Variants in SYBU observed in about 807,000 individuals in gnomAD.
The protein encoded by SYBU is GOLSYN A protein.
Under a neutral mutation model 35.9 loss-of-function variants are expected in SYBU, and 21 were observed. That is an observed-to-expected ratio of 0.58 (90% CI 0.41 to 0.84). The LOEUF (loss-of-function observed/expected upper bound fraction) is 0.84, where lower values mean the gene tolerates loss of function less well. Ranked by LOEUF, SYBU falls within the 40% of genes least tolerant of loss-of-function variation. The probability of loss-of-function intolerance (pLI) is 0.00; values close to 1 mark genes in which losing one functional copy is unlikely to be tolerated. For synonymous variants in SYBU, 319 were observed against 324.3 expected (o/e 0.98, Z 0.18); for missense variants, 768 against 848.2 (o/e 0.91, Z 1.17).
At chr8:109,684,546 A>G (rs190526406), upstream of SYBU, among the ~76,000 whole-genome samples, 64 of 152,370 alleles carry the variant, frequency 4.2e-4, no homozygotes, top group East Asian at 0.011. Flanking sequence ...AACATTATCA[A>G]TCTAGCTCAG....
chr8:109,628,820 CA>C (rs11300595), intron 2 of SYBU, among the ~76,000 whole-genome samples: 3,653 of 146,256 alleles, frequency 0.025, 133 homozygotes, highest in African/African-American at 0.087. Flanking sequence ...ACATCCGTCT[CA>C]AAAAAAAAAG....
At chr8:109,657,048 TG>T (rs1315804685) in intron 1 of SYBU, among the ~76,000 whole-genome samples, 1 of 152,136 alleles carries the variant, frequency 6.6e-6, no homozygotes, top group Non-Finnish European at 1.5e-5. Flanking sequence ...AAGATACAGG[TG>T]TATCTTTTTC....
rs1379623324 is a variant in SYBU at position 109,577,955 on chromosome 8, T to A, written c.797A>T (p.Gln266Leu). 1.2e-6 allele frequency: 2 copies of A among 1,614,072 alleles called. No individual in the cohort carries two copies. Among genetic ancestry groups the A allele is most frequent in the Non-Finnish European group, 1.7e-6 (2 of 1,179,970 alleles). ...NHGVRPPNPE[Q>L]YLTPLQQKEV... ...TTTCTGCTGCAGTGGAGTCAAATACTGCTCTGGGTTTGGGGGTCTGACACC... is the reference window on the plus strand; with the variant it reads ...TTTCTGCTGCAGTGGAGTCAAATACAGCTCTGGGTTTGGGGGTCTGACACC... The change falls in exon 6 of 7, where the codon CAG becomes CTG. Residue 266 changes from glutamine to leucine, a missense_variant. Physicochemically the swap from Gln to Leu is moderately radical, Grantham distance 113. Coordinates refer to ENST00000276646, the MANE Select transcript of SYBU (RefSeq NM_001099754.2).
intron 2 of SYBU, among the ~76,000 whole-genome samples, chr8:109,622,800 T>A (rs1318350934): frequency 1.3e-5 from 2 of 152,188 alleles, no homozygotes. Context: ...TGACAAAGAT[T>A]TCTAATATGA....
intron 5 of SYBU, among the ~76,000 whole-genome samples, chr8:109,578,387 C>G (rs947446333): frequency 6.6e-6 from 1 of 152,184 alleles, no homozygotes; most frequent in Non-Finnish European, 1.5e-5. Flanking sequence ...GCCCATGGTT[C>G]TCGAAAGATT....
intron 1 of SYBU, among the ~76,000 whole-genome samples, chr8:109,671,418 A>G (rs776687810): frequency 6.6e-6 from 1 of 152,132 alleles, no homozygotes; most frequent in Non-Finnish European, 1.5e-5. Flanking sequence ...AACCTCAAAG[A>G]GCCTTTTTCA....
chr8:109,590,133 A>G (rs1824049000), intron 3 of SYBU, among the ~76,000 whole-genome samples: 1 of 152,178 alleles, frequency 6.6e-6, no homozygotes, highest in Admixed American at 6.6e-5. Context: ...CACTGAAGCT[A>G]AGCACAGCTA....
chr8:109,637,961 G>A (rs1204400551), intron 2 of SYBU, among the ~76,000 whole-genome samples: 2 of 152,156 alleles, frequency 1.3e-5, no homozygotes, highest in Admixed American at 6.5e-5. Flanking sequence ...AGACTGCAAA[G>A]AATCTCAGAT....
intron 3 of SYBU, among the ~76,000 whole-genome samples, chr8:109,591,835 AT>A (rs1366343870): frequency 5.9e-5 from 9 of 151,954 alleles, no homozygotes; most frequent in African/African-American, 2.2e-4. Context: ...TTTAAGGGAA[AT>A]TTTTTATAAT....
Position 109,644,661 on chromosome 8 carries a change from G to GCGCCGCTGCCCGCCGGCTCCTCGCGC in SYBU, c.-28_-3dup. ...CTTGCTCTCGCGGAGGGGCCCCATC[G>GCGCCGCTGCCCGCCGGCTCCTCGCGC]CGCCGCTGCCCGCCGGCTCCTCGCG... is the stretch of plus-strand genomic sequence containing the variant. On this transcript the variant is annotated 5_prime_UTR_variant, in exon 1 of 7. Coordinates refer to ENST00000276646, the MANE Select transcript of SYBU (RefSeq NM_001099754.2). 3.3e-6 allele frequency: 5 copies of GCGCCGCTGCCCGCCGGCTCCTCGCGC among 1,522,794 alleles called. No individual in the cohort carries two copies. Among genetic ancestry groups the GCGCCGCTGCCCGCCGGCTCCTCGCGC allele is most frequent in the Non-Finnish European group, 4.4e-6 (5 of 1,142,382 alleles). 94.3% of individuals were successfully genotyped at this position (1,522,794 alleles called of 1,614,324 possible).
At chr8:109,648,122 A>G (rs2130704011), upstream of SYBU, 1 of 151,938 alleles carries the variant, frequency 6.6e-6, no homozygotes, top group African/African-American at 2.4e-5. Context: ...TTTTACTTAA[A>G]GACTTACTTT....
rs544142998 is a variant in SYBU at position 109,661,937 on chromosome 8, T to A, written c.-129+18774A>T. Among the ~76,000 whole-genome samples the A allele has an allele frequency of 3.3e-5, 5 of 152,366 alleles. No individual in the cohort carries two copies. The East Asian group carries it at 9.6e-4, about 29-fold the overall frequency. ...CTTTTAACTTCATTCTCATGCTTACTGTGGAATTTAGATCTCCAGCTTGTC... is the reference window on the plus strand; with the variant it reads ...CTTTTAACTTCATTCTCATGCTTACAGTGGAATTTAGATCTCCAGCTTGTC... On this transcript the variant is annotated intron_variant, in intron 1 of 5. Coordinates refer to the SYBU transcript ENST00000408889.
Position 109,574,788 on chromosome 8 carries a change from T to C in SYBU, c.*118A>G. On this transcript the variant is annotated 3_prime_UTR_variant, in exon 7 of 7. Coordinates refer to ENST00000276646, the MANE Select transcript of SYBU (RefSeq NM_001099754.2). Reference sequence around the variant, plus strand: ...AGGCTTCAACTAAATATAGTGCAAATCAAATACCAAGGAGCAAAACGACAG... The same window carrying C: ...AGGCTTCAACTAAATATAGTGCAAACCAAATACCAAGGAGCAAAACGACAG... 8.4e-7 allele frequency: 1 copy of C among 1,188,298 alleles called. No individual in the cohort carries two copies. The highest frequency in any genetic ancestry group is 1.2e-6 in the Non-Finnish European group (1 of 863,962). The allele number at this position is 1,188,298 out of a possible 1,614,324, so 73.6% of individuals were successfully genotyped here.
chr8:109,644,107 T>G (rs937204763), intron 1 of SYBU: 1 of 457,020 alleles, frequency 2.2e-6, no homozygotes, highest in Non-Finnish European at 4.4e-6. Context: ...TGGCATAAAT[T>G]GAAGGGTAAA....
intron 3 of SYBU, among the ~76,000 whole-genome samples, chr8:109,590,798 C>T (rs1189627211): frequency 1.3e-5 from 2 of 148,994 alleles, no homozygotes; most frequent in African/African-American, 5.0e-5. Context: ...AAAAATGGGC[C>T]AAGGACATAT....
chr8:109,667,471 A>C (rs1816798253), intron 1 of SYBU, among the ~76,000 whole-genome samples: 1 of 151,736 alleles, frequency 6.6e-6, no homozygotes, highest in Non-Finnish European at 1.5e-5. Context: ...ATATTAAAAC[A>C]CCATTGCCAT....
intron 1 of SYBU, among the ~76,000 whole-genome samples, chr8:109,663,090 A>G (rs534309862): frequency 1.3e-5 from 2 of 152,320 alleles, no homozygotes; most frequent in Non-Finnish European, 2.9e-5. Flanking sequence ...AATCAGGAAG[A>G]TAGCTACTTC....
At chr8:109,634,718 A>G (rs1173680627) in intron 2 of SYBU, among the ~76,000 whole-genome samples, 1 of 152,222 alleles carries the variant, frequency 6.6e-6, no homozygotes, top group African/African-American at 2.4e-5. Flanking sequence ...CAAGCAAGAA[A>G]TTTTAAAACC....
intron 1 of SYBU, among the ~76,000 whole-genome samples, chr8:109,672,936 C>A (rs1351589210): frequency 1.3e-5 from 2 of 152,204 alleles, no homozygotes; most frequent in Non-Finnish European, 2.9e-5. Context: ...CTGGGTGGAG[C>A]CCACCACAGC....
Sources: allele counts gnomAD v4.1 joint callset (sites outside exome capture counted in the v4.1 genomes callset), GRCh38; gene constraint gnomAD v4.1.1; transcripts MANE v1.5; gene names NCBI Gene and HGNC (gene_info 2026-07-23, HGNC 2026-07-21).